Variants in KIF21A observed in about 807,000 individuals in gnomAD.
The protein encoded by KIF21A is kinesin family member 21A.
Under a neutral mutation model 202.9 loss-of-function variants are expected in KIF21A, and 114 were observed. The ratio of observed to expected loss-of-function variants is 0.56; its 90% CI spans 0.48 to 0.66. KIF21A has a LOEUF of 0.66. Ranked by LOEUF, KIF21A falls within the 30% of genes least tolerant of loss-of-function variation. The pLI is 0.00. For synonymous variants in KIF21A, 667 were observed against 670.8 expected, an observed-to-expected ratio of 0.99 and a Z score of 0.09; for missense variants, 1,677 against 1,994.9, an observed-to-expected ratio of 0.84 and a Z score of 3.04.
intron 7 of KIF21A, among the ~76,000 whole-genome samples, chr12:39,358,616 T>C (rs1396486275): frequency 6.6e-6 from 1 of 152,222 alleles, no homozygotes; most frequent in Non-Finnish European, 1.5e-5. Context: ...ATTTATTTCT[T>C]ACCTCTTTGC....
chr12:39,344,791 A>T (rs1158125994), intron 12 of KIF21A, among the ~76,000 whole-genome samples: 1 of 152,202 alleles, frequency 6.6e-6, no homozygotes, highest in Admixed American at 6.6e-5. Flanking sequence ...AGGCAAATTG[A>T]TATCTAAAAT....
At chr12:39,362,721 ACTTTTTCAACAAAATTTTAT>A (rs1949326330) in intron 7 of KIF21A, among the ~76,000 whole-genome samples, 1 of 152,192 alleles carries the variant, frequency 6.6e-6, no homozygotes, top group African/African-American at 2.4e-5. Context: ...AGGAAAGAGT[ACTTTTTCAACAAAATTTTAT>A]TAGCTTTCTA....
chr12:39,375,137 T>C (rs1206722840), intron 1 of KIF21A, among the ~76,000 whole-genome samples: 6 of 152,262 alleles, frequency 3.9e-5, no homozygotes, highest in Non-Finnish European at 5.9e-5. Flanking sequence ...TCTTTGCCTT[T>C]GTAATAACCG....
chr12:39,311,479 C>T lies in KIF21A; in HGVS notation c.4034G>A (p.Gly1345Glu). ...FPLQCIHIAE[G>E]HTKAVLCVDS... ...CACACAGAGCACAGCTTTTGTATGC[C>T]CTTCAGCTATGTGAATACACTGAAG... is the stretch of plus-strand genomic sequence containing the variant. Residue 1345 changes from glycine to glutamate, a missense_variant, in exon 32 of 38, where the codon GGG (glycine) becomes GAG (glutamate). By Grantham distance (98) the Gly-to-Glu change is moderately conservative (BLOSUM62 -2). Coordinates refer to ENST00000361418, the MANE Select transcript of KIF21A (RefSeq NM_001173464.2). The T allele has an allele frequency of 1.2e-6, 2 of 1,612,714 alleles. No homozygotes were observed. The highest frequency in any genetic ancestry group is 1.7e-6 in the Non-Finnish European group (2 of 1,178,942).
intron 1 of KIF21A, among the ~76,000 whole-genome samples, chr12:39,379,150 T>C (rs1216089757): frequency 6.6e-6 from 1 of 151,936 alleles, no homozygotes; most frequent in East Asian, 1.9e-4. Context: ...GCCAATATGG[T>C]GAAACCCCAT....
intron 1 of KIF21A, among the ~76,000 whole-genome samples, chr12:39,431,827 T>C (rs1342885940): frequency 6.6e-6 from 1 of 152,200 alleles, no homozygotes; most frequent in Non-Finnish European, 1.5e-5. Context: ...AAGAATATTA[T>C]CAAGGACAGA....
At chr12:39,326,044 ATAAT>A in intron 25 of KIF21A, 151 bp from the exon 26 acceptor site, 1 of 689,480 alleles carries the variant, frequency 1.5e-6, no homozygotes, top group Middle Eastern at 3.9e-4. Flanking sequence ...TAATTTAAAA[ATAAT>A]TCATTTATGT....
chr12:39,433,081 T>G (rs1027105803), intron 1 of KIF21A, among the ~76,000 whole-genome samples: 3 of 152,234 alleles, frequency 2.0e-5, no homozygotes, highest in Non-Finnish European at 4.4e-5. Context: ...GAATTATGAT[T>G]GATTGTTTTT....
intron 7 of KIF21A, among the ~76,000 whole-genome samples, chr12:39,361,738 C>T (rs919019658): frequency 1.3e-5 from 2 of 152,114 alleles, no homozygotes; most frequent in Non-Finnish European, 2.9e-5. Flanking sequence ...GATCTCCTGA[C>T]CTCATGATCT....
chr12:39,398,095 T>C (rs1282302820), intron 1 of KIF21A, among the ~76,000 whole-genome samples: 2 of 152,210 alleles, frequency 1.3e-5, no homozygotes, highest in African/African-American at 4.8e-5. Flanking sequence ...CTCAAAGTAA[T>C]TGACACATTC....
intron 30 of KIF21A, among the ~76,000 whole-genome samples, chr12:39,315,699 G>A (rs1944458298): frequency 6.6e-6 from 1 of 151,532 alleles, no homozygotes; most frequent in African/African-American, 2.4e-5. Context: ...ATTACAGACA[G>A]AAAACAGGTA....
At chr12:39,427,952 G>A (rs778092775) in intron 1 of KIF21A, among the ~76,000 whole-genome samples, 7 of 152,100 alleles carry the variant, frequency 4.6e-5, no homozygotes, top group Non-Finnish European at 8.8e-5. Flanking sequence ...AGCCACCCGC[G>A]CCCAGCCACA....
intron 11 of KIF21A, among the ~76,000 whole-genome samples, chr12:39,350,384 A>T (rs1377072322): frequency 1.3e-5 from 2 of 151,986 alleles, no homozygotes; most frequent in African/African-American, 4.8e-5. Flanking sequence ...ATCAGTTGTG[A>T]CCTTAAAAAA....
chr12:39,409,348 C>T (rs1305381505), intron 1 of KIF21A, among the ~76,000 whole-genome samples: 4 of 148,612 alleles, frequency 2.7e-5, no homozygotes, highest in Non-Finnish European at 5.9e-5. Context: ...AGTGAGACCT[C>T]ATCTCTACAA....
In KIF21A at chr12:39,309,710, C is replaced by G. The variant is rs1407687334; in HGVS notation, c.4153G>C (p.Gly1385Arg). Residue 1385 changes from glycine (G) to arginine (R), a missense_variant, in exon 33 of 38, where the codon GGT becomes CGT. This residue lies in a region of KIF21A where 705 missense variants were observed against 791.9 expected (regional missense o/e 0.89). Coordinates refer to ENST00000361418, the MANE Select transcript of KIF21A (RefSeq NM_001173464.2). ...VTGQEIMSLG[G>R]HPNNVVSVKY... is the part of the protein sequence containing the mutation. ...ACAGACACGACATTGTTGGGATGAC[C>G]CCCCAGTGACATTATTTCCTGCCCA... is the stretch of plus-strand genomic sequence containing the variant. The G allele has an allele frequency of 2.5e-6, 4 of 1,613,244 alleles. No individual in the cohort carries two copies. In the East Asian group the frequency reaches 8.9e-5, roughly 36 times the overall value.
chr12:39,319,322 A>G (rs1944945187), intron 28 of KIF21A, among the ~76,000 whole-genome samples: 2 of 152,166 alleles, frequency 1.3e-5, no homozygotes, highest in African/African-American at 4.8e-5. Flanking sequence ...GTCATGTTGC[A>G]ATTTGTAAAC....
At position 39,332,948 on chromosome 12, in the gene KIF21A, T is replaced by C. The variant is rs1299585064; in HGVS notation, c.2647A>G (p.Arg883Gly). Residue 883 changes from arginine (R) to glycine (G), a missense_variant, in exon 19 of 38, where the codon AGA (arginine) becomes GGA (glycine). Coordinates refer to ENST00000361418, the MANE Select transcript of KIF21A (RefSeq NM_001173464.2). The part of the protein sequence containing the change: ...ASRTGAQQKM[R>G]IPVARVQALP... ...GCCTGGACTCTCGCCACAGGAATTC[T>C]CATTTTCTGCTGGGCTCCTGTCCTT... 1.2e-6 allele frequency: 2 copies of C among 1,614,158 alleles called. No homozygotes were observed. The highest frequency in any genetic ancestry group is 1.1e-5 in the South Asian group (1 of 91,076).
At position 39,301,493 on chromosome 12, in the gene KIF21A, A is replaced by C; in HGVS notation, c.4918T>G (p.Phe1640Val). ...AAGAAAACTTACTCAGCTGCAGTAAAAATGTGGGTGGAATTAACACATATG... is the reference window on the plus strand; with the variant it reads ...AAGAAAACTTACTCAGCTGCAGTAACAATGTGGGTGGAATTAACACATATG... ...NAICVNSTHI[F>V]TAADDRTVRI... is the part of the protein sequence containing the mutation. The change falls in exon 37 of 38, where the codon TTT (phenylalanine) becomes GTT (valine). Residue 1640 changes from phenylalanine (F) to valine (V), a missense_variant. Around this residue, in one of 3 missense-constraint regions of KIF21A, gnomAD observed 705 missense variants for 791.9 expected, o/e 0.89. Transcript: ENST00000361418. 1 of 1,613,982 alleles carries C rather than the reference A, an allele frequency of 6.2e-7. No homozygotes were observed. Among genetic ancestry groups the C allele is most frequent in the East Asian group, 2.2e-5 (1 of 44,886 alleles).
At chr12:39,366,922 AG>A in intron 5 of KIF21A, 107 bp downstream of exon 5, 1 of 1,065,494 alleles carries the variant, frequency 9.4e-7, no homozygotes, top group Non-Finnish European at 1.4e-6. Context: ...AATTAGAAAA[AG>A]GAATGACTAA....
Sources: gnomAD v4.1 joint callset for allele counts (sites outside exome capture counted in the v4.1 genomes callset) on GRCh38, gnomAD v4.1.1 for gene constraint, gnomAD v4.1.1 regional missense constraint, MANE v1.5 for transcripts, NCBI Gene and HGNC (gene_info 2026-07-23, HGNC 2026-07-21) for gene names.